The following NINJ2 variants were observed in gnomAD, a reference collection of about 807,000 sequenced individuals.
NINJ2 encodes ninjurin 2, also known as ninjurin-2.
In NINJ2, 12 loss-of-function variants were observed where a neutral mutation model predicts 11.7. That is an observed-to-expected ratio of 1.02 (90% CI 0.66 to 1.66). The LOEUF (loss-of-function observed/expected upper bound fraction) is 1.66. Ranked by LOEUF, NINJ2 falls within the 40% of genes most tolerant of loss-of-function variation. The pLI is 0.00. For synonymous variants in NINJ2, 93 were observed against 76.8 expected (o/e 1.21, Z -1.10); for missense variants, 187 against 181.8 (o/e 1.03, Z -0.16).
At chr12:587,896 C>G (rs1292880930) in intron 1 of NINJ2, among the ~76,000 whole-genome samples, 1 of 152,224 alleles carries the variant, frequency 6.6e-6, no homozygotes, top group Non-Finnish European at 1.5e-5. Context: ...TATCCGTTCT[C>G]TCACTGGACG....
rs10633920 is a variant in NINJ2, at chr12:648,996, G to GTCTGCCTATCTA, written c.33+14331_33+14332insTAGATAGGCAGA. Reference sequence around the variant, plus strand: ...CATCCACCTATCTATCTATCTATCTGTCTATCTATCTATCTATCTATCTAT... The same window carrying GTCTGCCTATCTA: ...CATCCACCTATCTATCTATCTATCTGTCTGCCTATCTATCTATCTATCTATCTATCTATCTAT... On this transcript the variant is annotated intron_variant, in intron 1 of 3. Transcript: ENST00000305108. Among the ~76,000 whole-genome samples the GTCTGCCTATCTA allele has an allele frequency of 4.5e-4, 67 of 149,006 alleles. 1 individual carries two copies. The highest frequency in any genetic ancestry group is 8.7e-4 in the Non-Finnish European group (59 of 67,590).
chr12:619,921 T>G (rs12826899), intron 1 of NINJ2, among the ~76,000 whole-genome samples: 1 of 152,166 alleles, frequency 6.6e-6, no homozygotes, highest in Non-Finnish European at 1.5e-5. Flanking sequence ...AAGATAATAT[T>G]CCTTAATGGT....
chr12:613,440 T>G (rs1948057368), intron 1 of NINJ2, among the ~76,000 whole-genome samples: 2 of 152,068 alleles, frequency 1.3e-5, no homozygotes, highest in South Asian at 4.1e-4. Context: ...AAACCCCATC[T>G]CTACTAAAAG....
At chr12:636,129 C>T (rs1311644168) in intron 1 of NINJ2, among the ~76,000 whole-genome samples, 1 of 152,098 alleles carries the variant, frequency 6.6e-6, no homozygotes, top group Non-Finnish European at 1.5e-5. Flanking sequence ...GTAATCCTAG[C>T]ACTTTGGGAG....
intron 1 of NINJ2, among the ~76,000 whole-genome samples, chr12:600,454 G>A (rs550708972): frequency 6.6e-6 from 1 of 152,252 alleles, no homozygotes; most frequent in East Asian, 1.9e-4. Flanking sequence ...TACTCAGGAG[G>A]CTGAGGCGGG....
At chr12:578,513 T>C (rs1484810987) in intron 1 of NINJ2, among the ~76,000 whole-genome samples, 1 of 152,172 alleles carries the variant, frequency 6.6e-6, no homozygotes, top group East Asian at 1.9e-4. Flanking sequence ...GAATGTGGTC[T>C]CGCTATGTTG....
intron 1 of NINJ2, among the ~76,000 whole-genome samples, chr12:622,409 CAAAAAAAAAAAAAA>C (rs1169331783): frequency 1.3e-4 from 6 of 47,432 alleles, no homozygotes; most frequent in Admixed American, 6.3e-4. Flanking sequence ...GACTCCGTCT[CAAAAAAAAAAAAAA>C]AAAAAAAAAA....
At chr12:662,409 C>CGAGAGAGAGAGAGAGAGAGAGAGAGAGA (rs111778018) in intron 1 of NINJ2, among the ~76,000 whole-genome samples, 41 of 147,520 alleles carry the variant, frequency 2.8e-4, no homozygotes, top group South Asian at 8.6e-4. Flanking sequence ...ACACAGAGAA[C>CGAGAGAGAGAGAGAGAGAGAGAGAGAGA]GAGAGAGAGA....
intron 1 of NINJ2, among the ~76,000 whole-genome samples, chr12:584,953 C>A (rs1947611847): frequency 6.6e-6 from 1 of 151,944 alleles, no homozygotes; most frequent in Non-Finnish European, 1.5e-5. Flanking sequence ...CCCGTCTCTA[C>A]TAAAAATAAA....
At chr12:573,390 C>T (rs894055171) in intron 1 of NINJ2, among the ~76,000 whole-genome samples, 5 of 152,062 alleles carry the variant, frequency 3.3e-5, no homozygotes, top group African/African-American at 1.2e-4. Context: ...ACTCCCTACT[C>T]CAAGGAGTTT....
At chr12:600,105 A>G (rs765956587) in intron 1 of NINJ2, among the ~76,000 whole-genome samples, 10 of 152,136 alleles carry the variant, frequency 6.6e-5, no homozygotes, top group Non-Finnish European at 1.5e-4. Context: ...GGTCTTGGCT[A>G]CTTCCAAGCT....
rs1297742941 is a variant in NINJ2, at chr12:566,143, G to T, written c.69C>A (p.Asn23Lys). Reference sequence around the variant, plus strand: ...TCTTCTTGGTGGCGTAATGGTTCAGGTTGATGGGCTGGCTCCTGGGGTCGG... The same window carrying T: ...TCTTCTTGGTGGCGTAATGGTTCAGTTTGATGGGCTGGCTCCTGGGGTCGG... ...GSSDPRSQPI[N>K]LNHYATKKSV... The change falls in exon 2 of 4, where the codon AAC (asparagine) becomes AAA (lysine). Residue 23 changes from asparagine (N) to lysine (K), a missense_variant. Transcript: ENST00000305108. 1 of 1,614,118 alleles carries T rather than the reference G, an allele frequency of 6.2e-7. No homozygotes were observed. The highest frequency in any genetic ancestry group is 1.1e-5 in the South Asian group (1 of 91,066).
chr12:631,223 T>G (rs1948276939), intron 1 of NINJ2, among the ~76,000 whole-genome samples: 1 of 152,192 alleles, frequency 6.6e-6, no homozygotes, highest in Admixed American at 6.5e-5. Context: ...ACAAACGTTC[T>G]GAAGGAAAAG....
intron 1 of NINJ2, among the ~76,000 whole-genome samples, chr12:621,961 G>C (rs903811693): frequency 5.3e-5 from 8 of 151,172 alleles, no homozygotes; most frequent in Non-Finnish European, 1.0e-4. Flanking sequence ...GCGAAACACT[G>C]TCTCTACTAA....
chr12:654,096 G>C (rs1937834956), intron 1 of NINJ2, among the ~76,000 whole-genome samples: 2 of 152,198 alleles, frequency 1.3e-5, no homozygotes, highest in Admixed American at 1.3e-4. Context: ...TTGGGAGGCT[G>C]AAGTGGGAGG....
chr12:599,883 G>C (rs1224427384), intron 1 of NINJ2, among the ~76,000 whole-genome samples: 2 of 152,078 alleles, frequency 1.3e-5, no homozygotes, highest in African/African-American at 4.8e-5. Context: ...TGCCCGTCTC[G>C]GGCACAGGAG....
chr12:605,372 G>C (rs540071672), intron 1 of NINJ2, among the ~76,000 whole-genome samples: 7 of 152,288 alleles, frequency 4.6e-5, no homozygotes, highest in African/African-American at 1.7e-4. Flanking sequence ...CCTATCCCCA[G>C]ACAGAAGTCC....
intron 1 of NINJ2, 22 bp from the exon 2 acceptor site, chr12:566,200 C>T (rs369923438): frequency 1.9e-6 from 3 of 1,595,798 alleles, no homozygotes; most frequent in East Asian, 2.2e-5. Flanking sequence ...AAAGCACAGA[C>T]TTACCAAGGG....
chr12:570,477 G>A (rs1405529102), intron 1 of NINJ2, among the ~76,000 whole-genome samples: 2 of 152,208 alleles, frequency 1.3e-5, no homozygotes, highest in African/African-American at 4.8e-5. Flanking sequence ...CTCCACAGGG[G>A]TCAGGGTGAC....
Sources: allele counts gnomAD v4.1 joint callset (sites outside exome capture counted in the v4.1 genomes callset), GRCh38; gene constraint gnomAD v4.1.1; transcripts MANE v1.5; gene names NCBI Gene and HGNC (gene_info 2026-07-23, HGNC 2026-07-21).